AAMDC: variants seen among roughly 807,000 people sequenced by gnomAD.
The protein encoded by AAMDC is mth938 domain-containing protein.
Under a neutral mutation model 15.5 loss-of-function variants are expected in AAMDC, and 16 were observed. That is an observed-to-expected ratio of 1.03 (90% CI 0.70 to 1.57). AAMDC has a LOEUF of 1.57. AAMDC is among the 40% of genes most tolerant of loss of function. The pLI is 0.00. For synonymous variants in AAMDC, 51 were observed against 51.6 expected, an observed-to-expected ratio of 0.99 and a Z score of 0.05; for missense variants, 141 against 144.9, an observed-to-expected ratio of 0.97 and a Z score of 0.14.
chr11:77,876,529 C>T (rs1269774558), downstream of AAMDC, among the ~76,000 whole-genome samples: 2 of 151,926 alleles, frequency 1.3e-5, no homozygotes, highest in East Asian at 3.9e-4. Flanking sequence ...AACCCCGATA[C>T]GATACTTGAA....
At chr11:77,882,242 AG>A (rs1356611921) in intron 5 of AAMDC, among the ~76,000 whole-genome samples, 1 of 152,174 alleles carries the variant, frequency 6.6e-6, no homozygotes, top group Non-Finnish European at 1.5e-5. Flanking sequence ...ATTCAGGCTC[AG>A]GATCGCCTGG....
At chr11:77,895,941 A>G (rs1468715326) in intron 5 of AAMDC, among the ~76,000 whole-genome samples, 1 of 152,228 alleles carries the variant, frequency 6.6e-6, no homozygotes, top group Non-Finnish European at 1.5e-5. Context: ...AACAATCATT[A>G]AAGAATACAA....
intron 2 of AAMDC, among the ~76,000 whole-genome samples, chr11:77,864,525 A>G (rs1220389869): frequency 6.6e-6 from 1 of 152,200 alleles, no homozygotes; most frequent in African/African-American, 2.4e-5. Context: ...TAGGGTGTAT[A>G]TTATGTGAAA....
intron 5 of AAMDC, among the ~76,000 whole-genome samples, chr11:77,896,470 T>G (rs1234017066): frequency 6.6e-6 from 1 of 151,980 alleles, no homozygotes; most frequent in Non-Finnish European, 1.5e-5. Flanking sequence ...TGACCAAACA[T>G]GGAGAAACCC....
intron 5 of AAMDC, among the ~76,000 whole-genome samples, chr11:77,882,537 T>C (rs1233005054): frequency 6.6e-6 from 1 of 152,164 alleles, no homozygotes; most frequent in East Asian, 1.9e-4. Flanking sequence ...GCAGAAGATA[T>C]TAGAATAAGG....
At chr11:77,860,982 G>A (rs562947058) in intron 2 of AAMDC, among the ~76,000 whole-genome samples, 3 of 152,284 alleles carry the variant, frequency 2.0e-5, no homozygotes, top group South Asian at 2.1e-4. Context: ...TTACTAGGCC[G>A]TGGGCTTTTA....
intron 1 of AAMDC, among the ~76,000 whole-genome samples, chr11:77,828,966 T>C (rs1019675712): frequency 2.0e-5 from 3 of 152,234 alleles, no homozygotes; most frequent in African/African-American, 7.2e-5. Context: ...ACTTCCTGGC[T>C]TCCAAAGTTA....
At chr11:77,857,397 G>A (rs1950666414) in intron 2 of AAMDC, among the ~76,000 whole-genome samples, 1 of 152,136 alleles carries the variant, frequency 6.6e-6, no homozygotes, top group Non-Finnish European at 1.5e-5. Flanking sequence ...AAATGCTGGA[G>A]TAGAATCATG....
intron 5 of AAMDC, chr11:77,891,366 C>T: frequency 1.2e-6 from 2 of 1,611,360 alleles, no homozygotes; most frequent in Non-Finnish European, 1.7e-6. Flanking sequence ...TCCAGGGTTG[C>T]ATCAACATCC....
chr11:77,888,461 CA>C (rs1952115446), intron 5 of AAMDC, among the ~76,000 whole-genome samples: 2 of 152,098 alleles, frequency 1.3e-5, no homozygotes, highest in African/African-American at 4.8e-5. Context: ...CACCTAAAAC[CA>C]TAAAAACCCT....
intron 5 of AAMDC, chr11:77,894,178 G>C (rs1952409090): frequency 3.3e-6 from 2 of 602,168 alleles, no homozygotes; most frequent in Non-Finnish European, 5.9e-6. Flanking sequence ...ATGATAGCTT[G>C]GCTGCACAAG....
downstream of AAMDC, among the ~76,000 whole-genome samples, chr11:77,875,752 A>G (rs1021358686): frequency 2.6e-5 from 4 of 152,236 alleles, no homozygotes; most frequent in African/African-American, 9.6e-5. Context: ...AGAGACACAG[A>G]TATGTCCTAG....
intron 1 of AAMDC, among the ~76,000 whole-genome samples, chr11:77,822,371 C>G (rs1472167406): frequency 2.1e-5 from 3 of 144,300 alleles, no homozygotes; most frequent in African/African-American, 7.8e-5. Context: ...GTCGAGGTCG[C>G]GCCACTGCAC....
intron 1 of AAMDC, among the ~76,000 whole-genome samples, chr11:77,822,220 A>C (rs576354535): frequency 2.6e-5 from 4 of 152,120 alleles, no homozygotes; most frequent in Non-Finnish European, 5.9e-5. Flanking sequence ...TGGGTGCATC[A>C]CCTGAGCTCT....
chr11:77,865,902 A>G (rs1299152401), intron 2 of AAMDC, among the ~76,000 whole-genome samples: 1 of 152,202 alleles, frequency 6.6e-6, no homozygotes, highest in East Asian at 1.9e-4. Flanking sequence ...GGCCTGTAGC[A>G]CAAAAACAGG....
downstream of AAMDC, chr11:77,877,030 C>T: frequency 1.4e-6 from 1 of 703,088 alleles, no homozygotes; most frequent in Admixed American, 2.0e-5. Context: ...CATGGCACAT[C>T]CTTGAGAGAT....
intron 2 of AAMDC, among the ~76,000 whole-genome samples, chr11:77,857,828 C>T (rs1375605726): frequency 6.6e-6 from 1 of 151,824 alleles, no homozygotes; most frequent in Admixed American, 6.6e-5. Flanking sequence ...TCCCAAGTAG[C>T]TGGGACGACA....
At chr11:77,830,970 G>C (rs1275731227) in intron 1 of AAMDC, among the ~76,000 whole-genome samples, 1 of 125,850 alleles carries the variant, frequency 7.9e-6, no homozygotes, top group African/African-American at 3.2e-5. Flanking sequence ...GCGAGACCCT[G>C]TCTCTACAAA....
At chr11:77,862,256 G>A (rs891107082) in intron 2 of AAMDC, among the ~76,000 whole-genome samples, 3 of 152,118 alleles carry the variant, frequency 2.0e-5, no homozygotes, top group East Asian at 1.9e-4. Flanking sequence ...ACCAGAGATC[G>A]CCAAACTCTC....
Sources: gnomAD v4.1 joint callset for allele counts (sites outside exome capture counted in the v4.1 genomes callset) on GRCh38, gnomAD v4.1.1 for gene constraint, MANE v1.5 for transcripts, NCBI Gene and HGNC (gene_info 2026-07-23, HGNC 2026-07-21) for gene names.